Variants in ITFG1 observed in about 807,000 individuals in gnomAD.
ITFG1 encodes T-cell immunomodulatory protein.
In ITFG1, 34 loss-of-function variants were observed where a neutral mutation model predicts 81.8. That is an observed-to-expected ratio of 0.42 (90% CI 0.32 to 0.55). The LOEUF (loss-of-function observed/expected upper bound fraction) is 0.55. ITFG1 is among the 20% of genes least tolerant of loss of function. The probability of loss-of-function intolerance (pLI) is 0.17; values close to 1 mark genes in which losing one functional copy is unlikely to be tolerated. For synonymous variants in ITFG1, 285 were observed against 270.6 expected (o/e 1.05, Z -0.52); for missense variants, 672 against 755.4 (o/e 0.89, Z 1.29).
chr16:47,266,545 A>G (rs879131581), intron 10 of ITFG1, among the ~76,000 whole-genome samples: 1 of 152,220 alleles, frequency 6.6e-6, no homozygotes, highest in Admixed American at 6.5e-5. Flanking sequence ...AGAAAAAGAT[A>G]GATAATAACT....
At chr16:47,213,179 A>T (rs1246079698) in intron 14 of ITFG1, among the ~76,000 whole-genome samples, 1 of 152,194 alleles carries the variant, frequency 6.6e-6, no homozygotes, top group Non-Finnish European at 1.5e-5. Flanking sequence ...TAGAAATAAG[A>T]TGTTTAAGTT....
At chr16:47,301,202 CAA>C (rs1967070196) in intron 10 of ITFG1, among the ~76,000 whole-genome samples, 1 of 152,070 alleles carries the variant, frequency 6.6e-6, no homozygotes, top group Admixed American at 6.6e-5. Flanking sequence ...CCCATAGGAA[CAA>C]AGAGTTCAAG....
At chr16:47,209,013 A>G (rs1170368817) in intron 14 of ITFG1, among the ~76,000 whole-genome samples, 1 of 152,184 alleles carries the variant, frequency 6.6e-6, no homozygotes, top group Non-Finnish European at 1.5e-5. Flanking sequence ...AACTTAGAAT[A>G]AGAAGGGGGA....
chr16:47,350,603 A>T lies in ITFG1; in HGVS notation c.802+15185T>A, dbSNP rs139005109. ...TACCAACCAAAAACAGTCCAGGACC[A>T]GATGGATTCACAGCCGAATTCTACC... is the stretch of plus-strand genomic sequence containing the variant. On this transcript the variant is annotated intron_variant, in intron 8 of 17. Coordinates refer to ENST00000320640, the MANE Select transcript of ITFG1 (RefSeq NM_030790.5). Among the ~76,000 whole-genome samples the T allele has an allele frequency of 6.7e-3, 1,015 of 152,342 alleles. 34 individuals carry two copies. In the East Asian group the frequency reaches 0.11, roughly 17 times the overall value.
chr16:47,260,226 C>T (rs535779800), intron 11 of ITFG1, among the ~76,000 whole-genome samples: 12 of 152,138 alleles, frequency 7.9e-5, no homozygotes, highest in East Asian at 3.9e-4. Context: ...TGTGAGCCAC[C>T]GCGCCCGGCC....
At chr16:47,185,100 C>T (rs1965193062) in intron 14 of ITFG1, among the ~76,000 whole-genome samples, 1 of 151,610 alleles carries the variant, frequency 6.6e-6, no homozygotes, top group Non-Finnish European at 1.5e-5. Flanking sequence ...ATATATGCAC[C>T]CAATACAGGA....
chr16:47,259,457 T>C (rs1254582855), intron 11 of ITFG1, among the ~76,000 whole-genome samples: 1 of 152,250 alleles, frequency 6.6e-6, no homozygotes, highest in Non-Finnish European at 1.5e-5. Flanking sequence ...CCTTGTGATA[T>C]TTCTGTCAAT....
chr16:47,317,054 G>A (rs767650369), intron 8 of ITFG1, among the ~76,000 whole-genome samples: 4 of 152,130 alleles, frequency 2.6e-5, no homozygotes, highest in Non-Finnish European at 4.4e-5. Flanking sequence ...AGATGGAATA[G>A]CATTTTGATT....
At chr16:47,410,197 T>C (rs1025521059) in intron 6 of ITFG1, among the ~76,000 whole-genome samples, 16 of 152,138 alleles carry the variant, frequency 1.1e-4, no homozygotes, top group African/African-American at 3.9e-4. Flanking sequence ...GAGGATTACT[T>C]GAGCCCAGGA....
chr16:47,257,793 C>A (rs1966157499), intron 12 of ITFG1, among the ~76,000 whole-genome samples: 2 of 152,210 alleles, frequency 1.3e-5, no homozygotes, highest in South Asian at 4.1e-4. Flanking sequence ...TAGCAACGAG[C>A]ACACTGGGCA....
chr16:47,447,684 T>C (rs766453813), intron 5 of ITFG1, among the ~76,000 whole-genome samples: 2 of 152,168 alleles, frequency 1.3e-5, no homozygotes, highest in Admixed American at 6.5e-5. Context: ...GGTGGGACTA[T>C]AGGAAATAAA....
chr16:47,447,201 A>G (rs951656829), intron 5 of ITFG1, among the ~76,000 whole-genome samples: 2 of 152,178 alleles, frequency 1.3e-5, no homozygotes, highest in Admixed American at 6.5e-5. Context: ...AGGTATTAAC[A>G]GTAATGAAAT....
At chr16:47,325,140 A>G (rs970848630) in intron 8 of ITFG1, among the ~76,000 whole-genome samples, 8 of 152,234 alleles carry the variant, frequency 5.3e-5, no homozygotes, top group African/African-American at 9.6e-5. Flanking sequence ...TGTCTCTCAG[A>G]CCACAGTGCA....
intron 6 of ITFG1, chr16:47,425,711 G>A (rs1259265274): frequency 6.6e-6 from 1 of 151,434 alleles, no homozygotes; most frequent in African/African-American, 2.4e-5. Context: ...TCCTACCTCA[G>A]CTTCTTGAGT....
intron 6 of ITFG1, among the ~76,000 whole-genome samples, chr16:47,387,680 A>C (rs1479629167): frequency 6.6e-6 from 1 of 152,166 alleles, no homozygotes; most frequent in African/African-American, 2.4e-5. Flanking sequence ...TCTTTATGTG[A>C]TTGATAAACC....
At chr16:47,452,834 T>C (rs759308689) in intron 3 of ITFG1, 44 bp from the exon 4 acceptor site, 17 of 1,050,940 alleles carry the variant, frequency 1.6e-5, no homozygotes, top group Admixed American at 2.6e-5. Context: ...AGGCATTTTA[T>C]ATTACTTTTG....
At position 47,417,474 on chromosome 16, in the gene ITFG1, T is replaced by C. The variant is rs563981269; in HGVS notation, c.655+11330A>G. 2.0e-5 allele frequency among the ~76,000 whole-genome samples: 3 copies of C among 152,374 alleles called. No individual in the cohort carries two copies. The South Asian group carries it at 6.2e-4, about 32-fold the overall frequency. The stretch of plus-strand genomic sequence containing the variant: ...GTTGTTAACTACAGTCACCCTGATG[T>C]GCTATTGAATGTTAGAACTTATTTC... On this transcript the variant is annotated intron_variant, in intron 6 of 17. Transcript: ENST00000320640.
At chr16:47,448,094 T>C (rs1227694741) in intron 5 of ITFG1, 1 of 152,208 alleles carries the variant, frequency 6.6e-6, no homozygotes, top group East Asian at 1.9e-4. Flanking sequence ...AGTCAAAAGC[T>C]GCCTTGAGTA....
intron 10 of ITFG1, among the ~76,000 whole-genome samples, chr16:47,285,937 A>T (rs1966867946): frequency 6.6e-6 from 1 of 152,112 alleles, no homozygotes. Context: ...CCACTGCTAA[A>T]TTATTTGTAA....
Sources: gnomAD v4.1 joint callset for allele counts (sites outside exome capture counted in the v4.1 genomes callset) on GRCh38, gnomAD v4.1.1 for gene constraint, MANE v1.5 for transcripts, NCBI Gene and HGNC (gene_info 2026-07-23, HGNC 2026-07-21) for gene names.